Variants in ZNF541 observed in about 807,000 individuals in gnomAD.
The protein encoded by ZNF541 is zinc finger protein 541.
ZNF541 carries 23 observed loss-of-function variants against 123.5 expected under a neutral mutation model. The observed-to-expected ratio is 0.19, with a 90% confidence interval of 0.13 to 0.26. The LOEUF (loss-of-function observed/expected upper bound fraction) is 0.26. ZNF541 is among the 10% of genes least tolerant of loss of function. The pLI, the probability that ZNF541 is intolerant of heterozygous loss-of-function variation, is 1.00. For missense variants in ZNF541, 1,612 were observed against 1,789.9 expected (o/e 0.90, Z 1.79); for synonymous variants, 751 against 754.5 (o/e 1.00, Z 0.08).
At chr19:47,561,188 C>T (rs1971048073) in intron 2 of ZNF541, among the ~76,000 whole-genome samples, 1 of 152,134 alleles carries the variant, frequency 6.6e-6, no homozygotes, top group South Asian at 2.1e-4. Flanking sequence ...AGAGACTGAG[C>T]TCTGGCTGGG....
chr19:47,536,750 C>T (rs1969841366), intron 9 of ZNF541, among the ~76,000 whole-genome samples: 1 of 152,058 alleles, frequency 6.6e-6, no homozygotes, highest in Non-Finnish European at 1.5e-5. Context: ...AAGAGTGAGA[C>T]CTTGTCTCCC....
chr19:47,529,049 A>T lies in ZNF541; in HGVS notation c.3482-11T>A. ...TCCAGACGTCTGAACCTATCAAAGAACACAGCCAACAGGGGGAAGGCCATT... is the reference window on the plus strand; with the variant it reads ...TCCAGACGTCTGAACCTATCAAAGATCACAGCCAACAGGGGGAAGGCCATT... On this transcript the variant is annotated splice_polypyrimidine_tract_variant and intron_variant, in intron 13 of 16. Coordinates refer to ENST00000391901, the MANE Select transcript of ZNF541 (RefSeq NM_001277075.3). 6.5e-7 allele frequency: 1 copy of T among 1,547,170 alleles called. No homozygotes were observed. Among genetic ancestry groups the T allele is most frequent in the African/African-American group, 1.4e-5 (1 of 73,060 alleles).
At chr19:47,553,846 A>G (rs556535937) in intron 3 of ZNF541, among the ~76,000 whole-genome samples, 2 of 152,306 alleles carry the variant, frequency 1.3e-5, no homozygotes, top group South Asian at 4.1e-4. Context: ...GGCCAGAGCT[A>G]TAAAATTGTT....
In ZNF541 at chr19:47,520,739, C is replaced by T. The variant is rs1209128388; in HGVS notation, c.*485G>A. The T allele has an allele frequency of 2.6e-5, 4 of 153,964 alleles. No individual in the cohort carries two copies. The highest frequency in any genetic ancestry group is 9.7e-5 in the African/African-American group (4 of 41,448). 9.5% of individuals were successfully genotyped at this position (153,964 alleles called of 1,614,324 possible). On this transcript the variant is annotated 3_prime_UTR_variant, in exon 17 of 17. Transcript: ENST00000391901. Reference sequence around the variant, plus strand: ...TACGAGTTGACATGTACAAAAAACACCGAACAATGCAGAATTCATCGCAAG... The same window carrying T: ...TACGAGTTGACATGTACAAAAAACATCGAACAATGCAGAATTCATCGCAAG...
rs892180380 is a variant in ZNF541, at chr19:47,544,933, C to A, written c.1596G>T (p.Ala532=). ...QEAQKAGGLP[A]DASPLFRQLF... is the part of the protein sequence containing the mutation. ...GCTGGCGGAAGAGCGGCGAGGCATC[C>A]GCAGGGAGCCCGCCTGCCTTCTGGG... Residue 532 remains alanine, a synonymous_variant, in exon 5 of 17, where the codon GCG becomes GCT. Coordinates refer to ENST00000391901, the MANE Select transcript of ZNF541 (RefSeq NM_001277075.3). The A allele has an allele frequency of 1.2e-5, 19 of 1,535,330 alleles. No homozygotes were observed. The highest frequency in any genetic ancestry group is 1.6e-5 in the Non-Finnish European group (18 of 1,146,702).
chr19:47,556,794 G>A (rs1411893927), intron 2 of ZNF541, among the ~76,000 whole-genome samples: 2 of 126,748 alleles, frequency 1.6e-5, no homozygotes, highest in Non-Finnish European at 3.2e-5. Context: ...GTCTCATTCT[G>A]TCGCCCAGGC....
At chr19:47,550,409 A>G (rs1970549842) in intron 3 of ZNF541, among the ~76,000 whole-genome samples, 2 of 151,836 alleles carry the variant, frequency 1.3e-5, no homozygotes, top group Non-Finnish European at 2.9e-5. Context: ...GCAAAGAAAG[A>G]AAGGAAAGAA....
chr19:47,553,399 AG>A (rs1970687100), intron 3 of ZNF541, among the ~76,000 whole-genome samples: 1 of 130,762 alleles, frequency 7.6e-6, no homozygotes, highest in African/African-American at 2.9e-5. Flanking sequence ...CCACCATGCC[AG>A]GCTAATTCTT....
intron 2 of ZNF541, among the ~76,000 whole-genome samples, 85 bp from the exon 3 acceptor site, chr19:47,556,039 C>G (rs148812007): frequency 2.0e-5 from 3 of 152,184 alleles, no homozygotes; most frequent in Non-Finnish European, 2.9e-5. Context: ...GCAAGCAGAC[C>G]TCGATCTGGG....
chr19:47,563,409 C>A (rs888449203), intron 2 of ZNF541, among the ~76,000 whole-genome samples: 2 of 152,070 alleles, frequency 1.3e-5, no homozygotes, highest in Non-Finnish European at 2.9e-5. Context: ...AGATGATATT[C>A]GAGATGCCTC....
At position 47,544,313 on chromosome 19, in the gene ZNF541, C is replaced by T. The variant is rs1970212942; in HGVS notation, c.2216G>A (p.Arg739Gln). The change falls in exon 5 of 17, where the codon CGG becomes CAG. Residue 739 changes from arginine (R) to glutamine (Q), a missense_variant. By Grantham distance (43) the Arg-to-Gln change is conservative. Coordinates refer to ENST00000391901, the MANE Select transcript of ZNF541 (RefSeq NM_001277075.3). ...GCCCAAGAGCCGGTAGCCTCCACCC[C>T]GGGAGCAGGCTGGGCCCTTTTCACC... ...TKGEKGPACS[R>Q]GGGYRLLGNP... The T allele has an allele frequency of 1.3e-6, 2 of 1,551,642 alleles. No homozygotes were observed. The highest frequency in any genetic ancestry group is 1.7e-6 in the Non-Finnish European group (2 of 1,147,000).
At chr19:47,547,590 T>C (rs1970408517) in intron 4 of ZNF541, among the ~76,000 whole-genome samples, 1 of 152,094 alleles carries the variant, frequency 6.6e-6, no homozygotes, top group Non-Finnish European at 1.5e-5. Context: ...TACCAACTTG[T>C]GACATGAGCA....
Position 47,538,558 on chromosome 19 carries a change from ACGCC to A in ZNF541, c.2797-123_2797-120del. The A allele has an allele frequency of 3.6e-6, 4 of 1,120,232 alleles. No homozygotes were observed. The South Asian group carries it at 7.0e-5, about 20-fold the overall frequency. 69.4% of individuals were successfully genotyped at this position (1,120,232 alleles called of 1,614,324 possible). On this transcript the variant is annotated intron_variant, in intron 8 of 16. Coordinates refer to ENST00000391901, the MANE Select transcript of ZNF541 (RefSeq NM_001277075.3). ...CCAGAGACAGGAAACTAGGAAATGC[ACGCC>A]CGGCAAAGGAGGCTGGCCACACCTG...
chr19:47,573,073 C>T lies in ZNF541; in HGVS notation c.-246+10G>A, dbSNP rs1448036192. Among the ~76,000 whole-genome samples the T allele has an allele frequency of 2.7e-5, 4 of 150,586 alleles. No homozygotes were observed. The highest frequency in any genetic ancestry group is 2.6e-4 in the Admixed American group (4 of 15,124). Reference sequence around the variant, plus strand: ...AGGGAGGGGCAGGGGCAGCAGCAACCGGGTTTTACCCGCCCCCGGGGGCTC... The same window carrying T: ...AGGGAGGGGCAGGGGCAGCAGCAACTGGGTTTTACCCGCCCCCGGGGGCTC... On this transcript the variant is annotated intron_variant, in intron 1 of 16. Transcript: ENST00000391901.
intron 14 of ZNF541, among the ~76,000 whole-genome samples, chr19:47,523,796 G>C (rs567481539): frequency 6.6e-6 from 1 of 152,322 alleles, no homozygotes; most frequent in South Asian, 2.1e-4. Flanking sequence ...GGAGCACAGT[G>C]CCTCCGGAGA....
chr19:47,572,621 T>C (rs1021843543), intron 1 of ZNF541, among the ~76,000 whole-genome samples: 5 of 150,196 alleles, frequency 3.3e-5, no homozygotes, highest in African/African-American at 1.2e-4. Context: ...TGCCCCAAAG[T>C]GGGACTATGG....
At chr19:47,551,532 C>T (rs1169865571) in intron 3 of ZNF541, among the ~76,000 whole-genome samples, 1 of 151,726 alleles carries the variant, frequency 6.6e-6, no homozygotes, top group African/African-American at 2.4e-5. Flanking sequence ...CCACCATGCC[C>T]AGCTAATTTT....
In ZNF541 at chr19:47,529,627, C is replaced by T. The variant is rs1599951063; in HGVS notation, c.3431G>A (p.Arg1144Gln). 3 of 1,551,622 alleles carry T rather than the reference C, an allele frequency of 1.9e-6. No individual in the cohort carries two copies. Among genetic ancestry groups the T allele is most frequent in the Non-Finnish European group, 1.7e-6 (2 of 1,146,966 alleles). The change falls in exon 13 of 17, where the codon CGA becomes CAA. Residue 1144 changes from arginine (R) to glutamine (Q), a missense_variant. Transcript: ENST00000391901. ...VQVALETLLL[R>Q]GPHKPRTHLL... ...GTGTGTCCGTGGCTTGTGGGGCCCTCGGAGCAGAAGAGTCTCCAGGGCGAC... is the reference window on the plus strand; with the variant it reads ...GTGTGTCCGTGGCTTGTGGGGCCCTTGGAGCAGAAGAGTCTCCAGGGCGAC...
At chr19:47,546,205 G>T (rs925009922) in intron 4 of ZNF541, among the ~76,000 whole-genome samples, 2 of 97,788 alleles carry the variant, frequency 2.0e-5, no homozygotes, top group East Asian at 2.6e-4. Flanking sequence ...TTACAGAAAA[G>T]TAAAAAAAAA....
Sources: gnomAD v4.1 joint callset for allele counts (sites outside exome capture counted in the v4.1 genomes callset) on GRCh38, gnomAD v4.1.1 for gene constraint, MANE v1.5 for transcripts, NCBI Gene and HGNC (gene_info 2026-07-23, HGNC 2026-07-21) for gene names.